SLC28A1: variants seen among roughly 807,000 people sequenced by gnomAD.
The protein encoded by SLC28A1 is solute carrier family 28 member 1.
A neutral mutation model predicts 74.8 loss-of-function variants in SLC28A1; 64 were observed. That is an observed-to-expected ratio of 0.86 (90% CI 0.70 to 1.05). SLC28A1 has a LOEUF of 1.05. Ranked by LOEUF, SLC28A1 falls within the 50% of genes least tolerant of loss-of-function variation. The pLI is 0.00. For missense variants in SLC28A1, 828 were observed against 822.8 expected (o/e 1.01, Z -0.08); for synonymous variants, 359 against 335.0 (o/e 1.07, Z -0.78).
rs777233521 is a variant in SLC28A1, at chr15:84,888,839, C to T, written c.164C>T (p.Ala55Val). Residue 55 changes from alanine (A) to valine (V), a missense_variant, in exon 4 of 19, where the codon GCG becomes GTG. Physicochemically the swap from Ala to Val is moderately conservative, Grantham distance 64. This residue lies in a region of SLC28A1 where 767 missense variants were observed against 753.5 expected (regional missense o/e 1.02). Transcript: ENST00000394573. Reference protein sequence around the residue: ...AEIRSSWSEAAPKPFSRWRNL... With the variant: ...AEIRSSWSEAVPKPFSRWRNL... ...ATCAGGAGCAGCTGGAGCGAGGCGGCGCCGAAGCCCTTCTCCAGATGGTAG... is the reference window on the plus strand; with the variant it reads ...ATCAGGAGCAGCTGGAGCGAGGCGGTGCCGAAGCCCTTCTCCAGATGGTAG... The T allele has an allele frequency of 2.8e-5, 43 of 1,552,498 alleles. No homozygotes were observed. Among genetic ancestry groups the T allele is most frequent in the Middle Eastern group, 1.7e-4 (1 of 5,958 alleles).
chr15:84,960,788 T>C, the SLC28A1 span, among the ~76,000 whole-genome samples: 1 of 152,254 alleles, frequency 6.6e-6, no homozygotes, highest in African/African-American at 2.4e-5. Context: ...AAAACTGTGT[T>C]AACATTCCTT....
chr15:84,939,180 T>G (rs1205036803), intron 15 of SLC28A1, among the ~76,000 whole-genome samples: 3 of 151,964 alleles, frequency 2.0e-5, no homozygotes, highest in Non-Finnish European at 4.4e-5. Context: ...ATTAGCCAGG[T>G]GTAGTGGTGC....
intron 15 of SLC28A1, chr15:84,938,638 C>T (rs1972252197): frequency 6.6e-6 from 1 of 152,028 alleles, no homozygotes; most frequent in East Asian, 1.9e-4. Flanking sequence ...ACAGACATGG[C>T]TCTGGTCTCA....
Position 84,909,134 on chromosome 15 carries a change from C to T in SLC28A1, c.795+339C>T, listed in dbSNP as rs962761283. Among the ~76,000 whole-genome samples the T allele has an allele frequency of 3.9e-5, 6 of 152,168 alleles. No homozygotes were observed. The East Asian group carries it at 9.7e-4, about 24-fold the overall frequency. Reference sequence around the variant, plus strand: ...GTCATGGGGACAGCTCCTGCTGAGACCTTAGTCCCTGATGTGCTGCAGAGA... The same window carrying T: ...GTCATGGGGACAGCTCCTGCTGAGATCTTAGTCCCTGATGTGCTGCAGAGA... On this transcript the variant is annotated intron_variant, in intron 9 of 18. Transcript: ENST00000394573.
At chr15:84,950,573 G>A (rs188670609), downstream of SLC28A1, among the ~76,000 whole-genome samples, 106 of 152,166 alleles carry the variant, frequency 7.0e-4, no homozygotes, top group African/African-American at 2.3e-3. Context: ...TGGGCATGAC[G>A]GTGTGTGCAA....
chr15:84,934,493 A>G (rs1971658207), intron 13 of SLC28A1, among the ~76,000 whole-genome samples: 1 of 152,232 alleles, frequency 6.6e-6, no homozygotes, highest in African/African-American at 2.4e-5. Context: ...AAAAGGCACC[A>G]CATTGGACAC....
intron 7 of SLC28A1, among the ~76,000 whole-genome samples, chr15:84,905,076 G>A (rs970448664): frequency 2.6e-5 from 4 of 152,242 alleles, no homozygotes; most frequent in South Asian, 4.1e-4. Flanking sequence ...TAGGAGGGGC[G>A]TGGGGTGTGG....
At chr15:84,937,597 G>GT (rs1168171968) in intron 15 of SLC28A1, among the ~76,000 whole-genome samples, 1 of 152,126 alleles carries the variant, frequency 6.6e-6, no homozygotes, top group Non-Finnish European at 1.5e-5. Context: ...GGGACTCTAG[G>GT]TTTTTTAAAA....
At chr15:84,911,622 G>T (rs1484304323) in intron 9 of SLC28A1, among the ~76,000 whole-genome samples, 1 of 152,016 alleles carries the variant, frequency 6.6e-6, no homozygotes, top group African/African-American at 2.4e-5. Flanking sequence ...AGTACTTTGG[G>T]AGGCTGAAGT....
the SLC28A1 span, among the ~76,000 whole-genome samples, chr15:84,954,711 T>C: frequency 6.6e-6 from 1 of 152,220 alleles, no homozygotes; most frequent in African/African-American, 2.4e-5. Flanking sequence ...GGCTTCCTCA[T>C]TGATCTGCCT....
At chr15:84,915,329 A>C (rs1596295928) in intron 9 of SLC28A1, among the ~76,000 whole-genome samples, 2 of 152,304 alleles carry the variant, frequency 1.3e-5, no homozygotes, top group Admixed American at 1.3e-4. Context: ...AAAAGGCCTC[A>C]GCAGGGCTTG....
At position 84,943,546 on chromosome 15, in the gene SLC28A1, C is replaced by T; in HGVS notation, c.1663+20C>T. The T allele has an allele frequency of 6.3e-7, 1 of 1,585,970 alleles. No individual in the cohort carries two copies. The highest frequency in any genetic ancestry group is 8.7e-7 in the Non-Finnish European group (1 of 1,154,190). On this transcript the variant is annotated intron_variant, in intron 16 of 18. Coordinates refer to ENST00000394573, the MANE Select transcript of SLC28A1 (RefSeq NM_004213.5). ...GCTTGAGTGAGTCTAATCAGGGCCT[C>T]ACCAGTGTCTAGGAGAGTCTGGGAC...
chr15:84,957,719 C>T, the SLC28A1 span, among the ~76,000 whole-genome samples: 2 of 152,168 alleles, frequency 1.3e-5, no homozygotes, highest in Non-Finnish European at 2.9e-5. Flanking sequence ...ATTACTGTAG[C>T]TTTGTAGGAA....
the SLC28A1 span, among the ~76,000 whole-genome samples, chr15:84,952,509 G>A: frequency 6.6e-5 from 10 of 152,196 alleles, no homozygotes; most frequent in African/African-American, 1.2e-4. Flanking sequence ...ATGCCACCAC[G>A]CAGGTTACTT....
the SLC28A1 span, among the ~76,000 whole-genome samples, chr15:84,959,356 C>T: frequency 2.6e-5 from 4 of 152,100 alleles, no homozygotes; most frequent in South Asian, 6.2e-4. Context: ...CTGCCCACCT[C>T]GGTCTTCCAA....
the SLC28A1 span, among the ~76,000 whole-genome samples, chr15:84,970,218 C>T: frequency 6.0e-4 from 92 of 152,284 alleles, no homozygotes; most frequent in South Asian, 1.7e-3. Flanking sequence ...CCCAGTCATT[C>T]CAGAGGCAGA....
chr15:84,944,314 A>G (rs1447731210), intron 16 of SLC28A1, among the ~76,000 whole-genome samples: 1 of 152,190 alleles, frequency 6.6e-6, no homozygotes, highest in African/African-American at 2.4e-5. Context: ...GGTCTGCCTG[A>G]CTCCAAACTC....
the SLC28A1 span, among the ~76,000 whole-genome samples, chr15:84,965,903 A>AGGGGGGGGGGGGG: frequency 1.7e-5 from 2 of 117,758 alleles, no homozygotes; most frequent in Admixed American, 1.0e-4. Context: ...GGAGGCGGGG[A>AGGGGGGGGGGGGG]GGGGGGGGAA....
chr15:84,922,785 G>C (rs1166594723), intron 11 of SLC28A1, among the ~76,000 whole-genome samples: 1 of 152,210 alleles, frequency 6.6e-6, no homozygotes, highest in Admixed American at 6.5e-5. Context: ...TATGGCTTTT[G>C]GACCTTGCAG....
Sources: gnomAD v4.1 joint callset for allele counts (sites outside exome capture counted in the v4.1 genomes callset) on GRCh38, gnomAD v4.1.1 for gene constraint, gnomAD v4.1.1 regional missense constraint, MANE v1.5 for transcripts, NCBI Gene and HGNC (gene_info 2026-07-23, HGNC 2026-07-21) for gene names.